The following SKA2 variants were observed in gnomAD, a reference collection of about 807,000 sequenced individuals.
The protein encoded by SKA2 is spindle and kinetochore associated complex subunit 2.
A neutral mutation model predicts 16.9 loss-of-function variants in SKA2; 13 were observed. The ratio of observed to expected loss-of-function variants is 0.77; its 90% CI spans 0.50 to 1.22. SKA2 has a LOEUF of 1.22. SKA2 is among the 50% of genes most tolerant of loss of function. The pLI, the probability that SKA2 is intolerant of heterozygous loss-of-function variation, is 0.00. For missense variants in SKA2, 107 were observed against 139.7 expected, an observed-to-expected ratio of 0.77 and a Z score of 1.18; for synonymous variants, 47 against 48.5, an observed-to-expected ratio of 0.97 and a Z score of 0.13.
intron 1 of SKA2, among the ~76,000 whole-genome samples, chr17:59,154,037 C>A (rs1432964866): frequency 6.6e-6 from 1 of 151,458 alleles, no homozygotes; most frequent in Non-Finnish European, 1.5e-5. Context: ...CCCAAAGTGC[C>A]GGGATTACAG....
chr17:59,134,992 G>A (rs1200380997), intron 1 of SKA2, among the ~76,000 whole-genome samples: 2 of 151,728 alleles, frequency 1.3e-5, no homozygotes, highest in Non-Finnish European at 2.9e-5. Flanking sequence ...ATGCCATTAC[G>A]CCTGACTAAT....
chr17:59,115,309 C>A (rs1313049502), intron 3 of SKA2, among the ~76,000 whole-genome samples: 1 of 152,048 alleles, frequency 6.6e-6, no homozygotes, highest in African/African-American at 2.4e-5. Context: ...CCACCTGTCT[C>A]GGCCTCCCAA....
intron 1 of SKA2, chr17:59,154,880 A>T (rs979549377): frequency 1.3e-6 from 2 of 1,514,482 alleles, no homozygotes; most frequent in Admixed American, 3.6e-5. Context: ...GGCAAGGAAC[A>T]AGGAATTCCA....
At position 59,127,072 on chromosome 17, in the gene SKA2, CAGAA is replaced by C. The variant is rs1838810680; in HGVS notation, c.120+4205_120+4208del. Among the ~76,000 whole-genome samples, 3 of 152,070 alleles carry C rather than the reference CAGAA, an allele frequency of 2.0e-5. No homozygotes were observed. The South Asian group carries it at 6.2e-4, about 32-fold the overall frequency. On this transcript the variant is annotated intron_variant, in intron 2 of 3. Coordinates refer to ENST00000330137, the MANE Select transcript of SKA2 (RefSeq NM_182620.4). ...CCTAGAGTAGTCAAATTGATAGAGACAGAAAGTAGAATGGTGGCTGCTAGGAGTG... is the reference window on the plus strand; with the variant it reads ...CCTAGAGTAGTCAAATTGATAGAGACAGTAGAATGGTGGCTGCTAGGAGTG...
intron 3 of SKA2, among the ~76,000 whole-genome samples, chr17:59,118,540 T>C (rs975747355): frequency 6.6e-6 from 1 of 152,214 alleles, no homozygotes; most frequent in Non-Finnish European, 1.5e-5. Flanking sequence ...CAGGCACATA[T>C]AATGAAGAAT....
At chr17:59,137,410 C>G (rs779518156) in intron 1 of SKA2, among the ~76,000 whole-genome samples, 1 of 152,180 alleles carries the variant, frequency 6.6e-6, no homozygotes, top group Non-Finnish European at 1.5e-5. Flanking sequence ...AAAATTCCCT[C>G]TGAACACAAC....
intron 2 of SKA2, among the ~76,000 whole-genome samples, chr17:59,128,669 A>G (rs577656589): frequency 1.3e-5 from 2 of 152,118 alleles, no homozygotes; most frequent in African/African-American, 4.8e-5. Context: ...AAAGTTAGAC[A>G]TGAAAGGTCA....
chr17:59,152,987 T>G (rs1290998233), intron 1 of SKA2, among the ~76,000 whole-genome samples: 3 of 152,170 alleles, frequency 2.0e-5, no homozygotes, highest in African/African-American at 7.2e-5. Flanking sequence ...ACCTAAAAGT[T>G]TAAATGTCTG....
At position 59,112,303 on chromosome 17, in the gene SKA2, A is replaced by G. The variant is rs1333957722; in HGVS notation, c.340T>C (p.Phe114Leu). 1 of 1,611,156 alleles carries G rather than the reference A, an allele frequency of 6.2e-7. No homozygotes were observed. Among genetic ancestry groups the G allele is most frequent in the Admixed American group, 1.7e-5 (1 of 59,864 alleles). The change falls in exon 4 of 4, where the codon TTC (phenylalanine) becomes CTC (leucine). Residue 114 changes from phenylalanine to leucine, a missense_variant. Coordinates refer to ENST00000330137, the MANE Select transcript of SKA2 (RefSeq NM_182620.4). ...TKEEKTAAEQ[F>L]KFHMPDL is the part of the protein sequence containing the mutation. ...CATAAATCTGGCATGTGAAATTTGA[A>G]TTGCTCTGCCGCAGTTTTCTCTTCT...
Position 59,131,719 on chromosome 17 carries a change from G to C in SKA2, c.34-352C>G, listed in dbSNP as rs561962573. ...CAGATACTCTCATCAGTTAGGCAGT[G>C]TTTTTCTACCTCTGGCAGAAAATAC... On this transcript the variant is annotated intron_variant, in intron 1 of 3. Transcript: ENST00000330137. 2.6e-5 allele frequency among the ~76,000 whole-genome samples: 4 copies of C among 152,220 alleles called. No homozygotes were observed. The East Asian group carries it at 5.8e-4, about 22-fold the overall frequency.
chr17:59,145,262 G>A (rs1441107054), intron 1 of SKA2, among the ~76,000 whole-genome samples: 2 of 152,128 alleles, frequency 1.3e-5, no homozygotes, highest in Admixed American at 6.6e-5. Context: ...GTTCACAAAC[G>A]TAATAAACAG....
Position 59,132,903 on chromosome 17 carries a change from T to G in SKA2, c.34-1536A>C, listed in dbSNP as rs144549586. Among the ~76,000 whole-genome samples, 274 of 152,372 alleles carry G rather than the reference T, an allele frequency of 1.8e-3. 2 individuals carry two copies. Among genetic ancestry groups the G allele is most frequent in the African/African-American group, 6.3e-3 (263 of 41,596 alleles). On this transcript the variant is annotated intron_variant, in intron 1 of 3. Transcript: ENST00000330137. ...AAATACAAAAACAGCCTTGAGTATG[T>G]TATGGCCTCTTTTTGTAAAAGAGAT...
In SKA2 at chr17:59,149,940, G is replaced by A. The variant is rs138693683; in HGVS notation, c.33+5191C>T. Among the ~76,000 whole-genome samples, 13 of 152,304 alleles carry A rather than the reference G, an allele frequency of 8.5e-5. No homozygotes were observed. In the East Asian group the frequency reaches 2.5e-3, roughly 29 times the overall value. ...CTCACTCTGTTGCTCAGCCTGGTCT[G>A]GAACTACTGGGCTCGAGTGATCTTC... On this transcript the variant is annotated intron_variant, in intron 1 of 3. Coordinates refer to ENST00000330137, the MANE Select transcript of SKA2 (RefSeq NM_182620.4).
chr17:59,120,839 T>C (rs1240693828), intron 2 of SKA2, among the ~76,000 whole-genome samples: 1 of 152,144 alleles, frequency 6.6e-6, no homozygotes, highest in Non-Finnish European at 1.5e-5. Flanking sequence ...GAATCCTATA[T>C]TCAACCAAAC....
chr17:59,129,917 G>GA (rs2046399759), intron 2 of SKA2, among the ~76,000 whole-genome samples: 1 of 123,548 alleles, frequency 8.1e-6, no homozygotes, highest in African/African-American at 3.0e-5. Flanking sequence ...GGGAGGGAGG[G>GA]AGGGAAGGAA....
intron 2 of SKA2, among the ~76,000 whole-genome samples, chr17:59,120,879 G>A (rs1363698812): frequency 6.6e-6 from 1 of 152,202 alleles, no homozygotes; most frequent in African/African-American, 2.4e-5. Context: ...TAGGCCGGGC[G>A]CAGTGGCTCA....
chr17:59,146,795 G>A (rs2046535702), intron 1 of SKA2, among the ~76,000 whole-genome samples: 1 of 152,048 alleles, frequency 6.6e-6, no homozygotes. Flanking sequence ...CTCCTACGTA[G>A]CTGGGACTAC....
chr17:59,129,083 G>A (rs901458350), intron 2 of SKA2, among the ~76,000 whole-genome samples: 2 of 151,784 alleles, frequency 1.3e-5, no homozygotes, highest in African/African-American at 2.4e-5. Flanking sequence ...GCGTGGTGGC[G>A]CACGCCTATA....
At chr17:59,126,180 A>AAATG (rs978019972) in intron 2 of SKA2, among the ~76,000 whole-genome samples, 1 of 127,720 alleles carries the variant, frequency 7.8e-6, no homozygotes, top group Non-Finnish European at 1.8e-5. Flanking sequence ...CAAAATAAAT[A>AAATG]AATGAATAAA....
Sources: allele counts gnomAD v4.1 joint callset (sites outside exome capture counted in the v4.1 genomes callset), GRCh38; gene constraint gnomAD v4.1.1; transcripts MANE v1.5; gene names NCBI Gene and HGNC (gene_info 2026-07-23, HGNC 2026-07-21).